Variants in B9D1 observed in about 807,000 individuals in gnomAD.
B9D1 encodes the protein B9 domain-containing protein 1.
Under a neutral mutation model 26.1 loss-of-function variants are expected in B9D1, and 20 were observed. The observed-to-expected ratio is 0.77, with a 90% CI of 0.54 to 1.12. The LOEUF is 1.12. Among genes scored for constraint, B9D1 ranks in the 50% most tolerant of loss-of-function variants. The pLI, the probability that B9D1 is intolerant of heterozygous loss-of-function variation, is 0.00. For missense variants in B9D1, 260 were observed against 273.7 expected (o/e 0.95, Z 0.35); for synonymous variants, 105 against 103.1 (o/e 1.02, Z -0.11).
At chr17:19,366,017 C>T (rs1038116348), upstream of B9D1, among the ~76,000 whole-genome samples, 1 of 151,986 alleles carries the variant, frequency 6.6e-6, no homozygotes, top group Non-Finnish European at 1.5e-5. Context: ...GCCCAGAGAA[C>T]TCCTATGTAG....
chr17:19,354,843 A>C (rs930481875), intron 3 of B9D1, among the ~76,000 whole-genome samples: 1 of 152,174 alleles, frequency 6.6e-6, no homozygotes, highest in Non-Finnish European at 1.5e-5. Context: ...AAAGAGAAAA[A>C]AAAGATTTTC....
At chr17:19,368,748 C>T (rs1911725894) in intron 1 of B9D1, among the ~76,000 whole-genome samples, 1 of 152,106 alleles carries the variant, frequency 6.6e-6, no homozygotes, top group Non-Finnish European at 1.5e-5. Context: ...AGTTCAAGAC[C>T]AGCCTGGGCA....
At chr17:19,366,302 C>G (rs373282927), upstream of B9D1, among the ~76,000 whole-genome samples, 20 of 152,180 alleles carry the variant, frequency 1.3e-4, no homozygotes, top group East Asian at 2.7e-3. Context: ...ATCCTGCATA[C>G]AGACTTGGCG....
In B9D1 at chr17:19,343,833, C is replaced by A; in HGVS notation, c.429G>T (p.Glu143Asp). Residue 143 changes from glutamate (E) to aspartate (D), a missense_variant, in exon 6 of 7, where the codon GAG becomes GAT. Glu to Asp is a conservative substitution (Grantham distance 45). Coordinates refer to ENST00000261499, the MANE Select transcript of B9D1 (RefSeq NM_015681.6). ...GAGCCACCACCTTGGGGTCTGTGTA[C>A]TCGGGCCGCCGCCCCATGAACCAGC... Reference protein sequence around the residue: ...FTSWFMGRRPEYTDPKVVAQG... With the variant: ...FTSWFMGRRPDYTDPKVVAQG... 6.2e-7 allele frequency: 1 copy of A among 1,614,062 alleles called. No individual in the cohort carries two copies. Among genetic ancestry groups the A allele is most frequent in the Non-Finnish European group, 8.5e-7 (1 of 1,179,948 alleles).
chr17:19,347,475 C>G lies in B9D1; in HGVS notation c.342-144G>C. 3.0e-6 allele frequency: 3 copies of G among 1,009,896 alleles called. No homozygotes were observed. The highest frequency in any genetic ancestry group is 4.6e-6 in the Non-Finnish European group (3 of 655,280). 62.6% of individuals were successfully genotyped at this position (1,009,896 alleles called of 1,614,324 possible). ...TGTCAACGAATCCAACCTGTGCTAA[C>G]TGAGCACCCCCTGTGTCTGGGCAAG... is the stretch of plus-strand genomic sequence containing the variant. On this transcript the variant is annotated intron_variant, in intron 4 of 6. Transcript: ENST00000261499. The surrounding 1 kb of genome is among the most constrained non-coding windows in gnomAD (Gnocchi z 4.3).
chr17:19,335,352 G>C, downstream of B9D1: 1 of 1,525,220 alleles, frequency 6.6e-7, no homozygotes, highest in Middle Eastern at 1.7e-4. Context: ...AAAATCTAAT[G>C]TATGAATGTG....
downstream of B9D1, among the ~76,000 whole-genome samples, chr17:19,341,704 G>A (rs920802436): frequency 5.3e-4 from 81 of 152,314 alleles, no homozygotes; most frequent in Middle Eastern, 0.01. Flanking sequence ...AACGCGAGCC[G>A]TTGTGGCTCT....
At chr17:19,358,504 G>A (rs897383221) in intron 2 of B9D1, among the ~76,000 whole-genome samples, 1 of 152,146 alleles carries the variant, frequency 6.6e-6, no homozygotes, top group African/African-American at 2.4e-5. Context: ...CTACCAAAGG[G>A]TTTTCTCCAT....
chr17:19,369,145 T>C (rs980585913), intron 1 of B9D1, among the ~76,000 whole-genome samples: 6 of 151,960 alleles, frequency 3.9e-5, no homozygotes, highest in African/African-American at 7.3e-5. Flanking sequence ...GGGAAGCGTA[T>C]AGGGTTATGG....
chr17:19,374,310 G>A (rs980879721), intron 1 of B9D1, among the ~76,000 whole-genome samples: 13 of 152,164 alleles, frequency 8.5e-5, no homozygotes, highest in African/African-American at 2.7e-4. Flanking sequence ...CGATGGCTAC[G>A]TAGAAATGCT....
chr17:19,353,259 C>A (rs1270451307), intron 3 of B9D1, among the ~76,000 whole-genome samples: 2 of 152,024 alleles, frequency 1.3e-5, no homozygotes, highest in Non-Finnish European at 2.9e-5. Context: ...TAGGCATGAG[C>A]CACCGTACCC....
upstream of B9D1, among the ~76,000 whole-genome samples, chr17:19,364,202 C>T (rs957711510): frequency 2.0e-5 from 3 of 152,166 alleles, no homozygotes; most frequent in Non-Finnish European, 4.4e-5. This position sits in a 1 kb window ranked among gnomAD's most constrained non-coding sequence, Gnocchi z 4.3. Context: ...GGTGGCCCCA[C>T]ATTCAAATAG....
chr17:19,343,351 C>T lies in B9D1; in HGVS notation c.583G>A (p.Gly195Arg), dbSNP rs1413903438. ...TGPSDTQGVL[G>R]PSPPQSFPQ ...GGGAAGCTCTGGGGTGGGCTGGGCC[C>T]CAACACACCCTGTGTATCAGAAGGC... is the stretch of plus-strand genomic sequence containing the variant. Residue 195 changes from glycine (G) to arginine (R), a missense_variant, in exon 7 of 7, where the codon GGG becomes AGG. Coordinates refer to ENST00000261499, the MANE Select transcript of B9D1 (RefSeq NM_015681.6). The T allele has an allele frequency of 6.2e-7, 1 of 1,614,038 alleles. No homozygotes were observed. The highest frequency in any genetic ancestry group is 2.2e-5 in the East Asian group (1 of 44,898).
At chr17:19,362,972 C>T, upstream of B9D1, 2 of 301,430 alleles carry the variant, frequency 6.6e-6, no homozygotes, top group Non-Finnish European at 1.3e-5. Flanking sequence ...TCCTGGGGAG[C>T]AGCGCTCCGA....
intron 3 of B9D1, among the ~76,000 whole-genome samples, chr17:19,357,134 AG>A (rs1157223624): frequency 6.6e-6 from 1 of 152,234 alleles, no homozygotes; most frequent in African/African-American, 2.4e-5. Context: ...GTCAATTTTG[AG>A]TGTCAGTTTC....
downstream of B9D1, chr17:19,335,108 C>T (rs1036150205): frequency 4.0e-5 from 9 of 227,728 alleles, no homozygotes; most frequent in Admixed American, 5.5e-5. Context: ...TATTGAAAAA[C>T]TAAAGCAAAT....
At chr17:19,352,211 G>T (rs1266760643) in intron 3 of B9D1, among the ~76,000 whole-genome samples, 1 of 152,110 alleles carries the variant, frequency 6.6e-6, no homozygotes, top group Non-Finnish European at 1.5e-5. Flanking sequence ...TTAACTTGGG[G>T]TTTTCAGTTT....
chr17:19,371,718 A>T (rs1194184673), intron 1 of B9D1: 2 of 152,246 alleles, frequency 1.3e-5, no homozygotes, highest in Admixed American at 6.5e-5. Flanking sequence ...ATCCTTCCCA[A>T]GACTGTCCTA....
chr17:19,363,401 GTGGCC>G (rs1911379669), upstream of B9D1, among the ~76,000 whole-genome samples: 2 of 152,254 alleles, frequency 1.3e-5, no homozygotes, highest in Non-Finnish European at 2.9e-5. Flanking sequence ...TTGTATCTTA[GTGGCC>G]TGTCACAGAG....
Sources: gnomAD v4.1 joint callset for allele counts (sites outside exome capture counted in the v4.1 genomes callset) on GRCh38, gnomAD v4.1.1 for gene constraint, Gnocchi (gnomAD v3.1) non-coding constraint, MANE v1.5 for transcripts, NCBI Gene and HGNC (gene_info 2026-07-23, HGNC 2026-07-21) for gene names.